TRAPPC9: variants seen among roughly 807,000 people sequenced by gnomAD.
The protein encoded by TRAPPC9 is IKK2 binding protein.
TRAPPC9 carries 83 observed loss-of-function variants against 124.0 expected under a neutral mutation model. The ratio of observed to expected loss-of-function variants is 0.67; its 90% confidence interval spans 0.56 to 0.80. The LOEUF (loss-of-function observed/expected upper bound fraction) is 0.80. TRAPPC9 is among the 30% of genes least tolerant of loss of function. The pLI, the probability that TRAPPC9 is intolerant of heterozygous loss-of-function variation, is 0.00. For synonymous variants in TRAPPC9, 638 were observed against 617.5 expected (o/e 1.03, Z -0.49); for missense variants, 1,302 against 1,508.3 (o/e 0.86, Z 2.27).
At chr8:140,230,674 T>C (rs1213029389) in intron 16 of TRAPPC9, among the ~76,000 whole-genome samples, 1 of 151,864 alleles carries the variant, frequency 6.6e-6, no homozygotes, top group African/African-American at 2.4e-5. Flanking sequence ...CTCGGGAGGC[T>C]GAGGCAGGAG....
At chr8:140,381,968 C>T (rs2068623316) in intron 7 of TRAPPC9, among the ~76,000 whole-genome samples, 1 of 152,156 alleles carries the variant, frequency 6.6e-6, no homozygotes, top group Admixed American at 6.5e-5. Context: ...ATATGTGTTC[C>T]CACAAACACT....
At chr8:140,323,096 T>C (rs1676575151) in intron 9 of TRAPPC9, among the ~76,000 whole-genome samples, 1 of 152,008 alleles carries the variant, frequency 6.6e-6, no homozygotes, top group East Asian at 1.9e-4. Flanking sequence ...GAAAGTCGAG[T>C]TGATCAGCAG....
chr8:140,114,332 G>GA (rs59499088), intron 17 of TRAPPC9, among the ~76,000 whole-genome samples: 81,451 of 117,026 alleles, frequency 0.7, 28,681 homozygotes, highest in Admixed American at 0.8. Context: ...AAGGACTGAA[G>GA]AAAAAAAAAA....
At chr8:139,770,620 C>T (rs1332546951) in intron 21 of TRAPPC9, among the ~76,000 whole-genome samples, 5 of 152,210 alleles carry the variant, frequency 3.3e-5, no homozygotes, top group African/African-American at 1.2e-4. Context: ...GTCTGGTGCT[C>T]TAGGAGGGAG....
At chr8:140,033,673 T>TGTTTTG (rs1563706809) in intron 17 of TRAPPC9, among the ~76,000 whole-genome samples, 2 of 76,732 alleles carry the variant, frequency 2.6e-5, no homozygotes, top group Non-Finnish European at 2.6e-5. Flanking sequence ...TTTTTTTTTT[T>TGTTTTG]TTTTTTTTTT....
At chr8:140,325,800 A>G (rs1448256968) in intron 9 of TRAPPC9, among the ~76,000 whole-genome samples, 1 of 152,184 alleles carries the variant, frequency 6.6e-6, no homozygotes, top group Non-Finnish European at 1.5e-5. Context: ...CAAATAACTA[A>G]AAGAATAAAC....
chr8:139,913,613 C>T (rs1355689601), intron 19 of TRAPPC9, among the ~76,000 whole-genome samples: 1 of 152,222 alleles, frequency 6.6e-6, no homozygotes, highest in African/African-American at 2.4e-5. Context: ...CTTGTGTTAA[C>T]GGCCAACTGC....
rs2060629434 is a variant in TRAPPC9, at chr8:140,104,414, C to G, written c.2557-80335G>C. Reference sequence around the variant, plus strand: ...CATCAGGAATAAAGATGACTGAGACCCTGCGATCTCTGAGATACTCACAGG... The same window carrying G: ...CATCAGGAATAAAGATGACTGAGACGCTGCGATCTCTGAGATACTCACAGG... On this transcript the variant is annotated intron_variant, in intron 17 of 22. Transcript: ENST00000438773. This position sits in a 1 kb window ranked among gnomAD's most constrained non-coding sequence, Gnocchi z 4.0. Among the ~76,000 whole-genome samples the G allele has an allele frequency of 1.3e-5, 2 of 151,948 alleles. No homozygotes were observed. Among genetic ancestry groups the G allele is most frequent in the Admixed American group, 6.6e-5 (1 of 15,258 alleles).
At chr8:140,308,040 T>C (rs1399390629) in intron 10 of TRAPPC9, among the ~76,000 whole-genome samples, 1 of 152,136 alleles carries the variant, frequency 6.6e-6, no homozygotes, top group Non-Finnish European at 1.5e-5. Context: ...TGGAAAAGGC[T>C]TTATAGAGGA....
intron 12 of TRAPPC9, 109 bp downstream of exon 12, chr8:140,290,872 CAAAACAAACATA>C: frequency 1.2e-6 from 1 of 827,184 alleles, no homozygotes; most frequent in East Asian, 2.6e-5. Flanking sequence ...TATGCTTTGG[CAAAACAAACATA>C]AAAACAGACA....
At chr8:139,889,921 C>T (rs1830230800) in intron 20 of TRAPPC9, among the ~76,000 whole-genome samples, 1 of 152,216 alleles carries the variant, frequency 6.6e-6, no homozygotes, top group South Asian at 2.1e-4. Context: ...TGGCCATTTC[C>T]TCCCTCAGCA....
At chr8:140,073,550 C>T (rs114652168) in intron 17 of TRAPPC9, among the ~76,000 whole-genome samples, 1 of 152,142 alleles carries the variant, frequency 6.6e-6, no homozygotes, top group Non-Finnish European at 1.5e-5. Context: ...TGGGGATTAA[C>T]CTAGATGGGA....
At chr8:140,386,409 A>G in intron 7 of TRAPPC9, among the ~76,000 whole-genome samples, 1 of 152,252 alleles carries the variant, frequency 6.6e-6, no homozygotes, top group Non-Finnish European at 1.5e-5. Flanking sequence ...TTGTGTATCT[A>G]GAAAACCTCA....
chr8:140,233,623 C>CCACACACACACACACA (rs35452775), intron 16 of TRAPPC9, among the ~76,000 whole-genome samples: 11,576 of 90,692 alleles, frequency 0.13, 1,069 homozygotes, highest in Non-Finnish European at 0.17. Flanking sequence ...TCTCTCCCCA[C>CCACACACACACACACA]CACACACACA....
intron 9 of TRAPPC9, among the ~76,000 whole-genome samples, chr8:140,338,576 T>C (rs148802633): frequency 2.0e-5 from 3 of 152,226 alleles, no homozygotes; most frequent in Non-Finnish European, 4.4e-5. Flanking sequence ...TTCAAAGAGA[T>C]AATGGAGGTA....
Position 140,252,725 on chromosome 8 carries a change from T to C in TRAPPC9, c.2431+52A>G. On this transcript the variant is annotated intron_variant, in intron 16 of 22. Coordinates refer to ENST00000438773, the MANE Select transcript of TRAPPC9 (RefSeq NM_001160372.4). This position sits in a 1 kb window ranked among gnomAD's most constrained non-coding sequence, Gnocchi z 4.2. The stretch of plus-strand genomic sequence containing the variant: ...GCAGGCATCAAGGGATGGGGGTTGC[T>C]ACACAGTATCTAGGACCCTGACGTG... 6.2e-7 allele frequency: 1 copy of C among 1,603,676 alleles called. No individual in the cohort carries two copies. Among genetic ancestry groups the C allele is most frequent in the African/African-American group, 1.3e-5 (1 of 75,002 alleles).
At chr8:140,039,243 G>A (rs1321869644) in intron 17 of TRAPPC9, among the ~76,000 whole-genome samples, 1 of 152,174 alleles carries the variant, frequency 6.6e-6, no homozygotes, top group Non-Finnish European at 1.5e-5. Context: ...GACTATAAAC[G>A]TGAAGTTCAT....
At chr8:139,804,934 T>C (rs1436330908) in intron 21 of TRAPPC9, among the ~76,000 whole-genome samples, 1 of 152,150 alleles carries the variant, frequency 6.6e-6, no homozygotes, top group African/African-American at 2.4e-5. Context: ...CCAGCCACCA[T>C]GGTTGGGAGC....
At chr8:139,784,706 T>G (rs1019203502) in intron 21 of TRAPPC9, among the ~76,000 whole-genome samples, 1 of 145,196 alleles carries the variant, frequency 6.9e-6, no homozygotes, top group Non-Finnish European at 1.5e-5. Flanking sequence ...TAAAAAATAC[T>G]ATTTACAATA....
Sources: allele counts gnomAD v4.1 joint callset (sites outside exome capture counted in the v4.1 genomes callset), GRCh38; gene constraint gnomAD v4.1.1; non-coding constraint Gnocchi (gnomAD v3.1); transcripts MANE v1.5; gene names NCBI Gene and HGNC (gene_info 2026-07-23, HGNC 2026-07-21).